Variants in BANK1 observed in about 807,000 individuals in gnomAD.
BANK1 encodes B cell scaffold protein with ankyrin repeats 1.
A neutral mutation model predicts 94.5 loss-of-function variants in BANK1; 95 were observed. That is an observed-to-expected ratio of 1.00 (90% CI 0.85 to 1.19). The LOEUF is 1.19. Ranked by LOEUF, BANK1 falls within the 50% of genes most tolerant of loss-of-function variation. BANK1 has a pLI of 0.00. For synonymous variants in BANK1, 334 were observed against 308.4 expected (o/e 1.08, Z -0.87); for missense variants, 987 against 932.2 (o/e 1.06, Z -0.77).
At chr4:102,056,369 A>C (rs964583836) in intron 11 of BANK1, among the ~76,000 whole-genome samples, 14 of 152,186 alleles carry the variant, frequency 9.2e-5, no homozygotes, top group African/African-American at 3.4e-4. Flanking sequence ...AAGTGGAAAC[A>C]ATAAAAAATC....
At chr4:101,970,972 G>A (rs1724932823) in intron 7 of BANK1, among the ~76,000 whole-genome samples, 1 of 152,106 alleles carries the variant, frequency 6.6e-6, no homozygotes, top group African/African-American at 2.4e-5. Context: ...ATAGCGTGCA[G>A]GCGTGTAATG....
intron 5 of BANK1, among the ~76,000 whole-genome samples, chr4:101,889,414 A>G (rs982824119): frequency 1.3e-5 from 2 of 151,684 alleles, no homozygotes; most frequent in African/African-American, 2.4e-5. Flanking sequence ...CTGGCTAACA[A>G]GGTGAAACCC....
chr4:101,835,259 A>G (rs895923436), intron 2 of BANK1, among the ~76,000 whole-genome samples: 3 of 152,194 alleles, frequency 2.0e-5, no homozygotes, highest in Non-Finnish European at 2.9e-5. Flanking sequence ...TATCACCAAC[A>G]TGTACTTGAA....
chr4:102,071,768 G>A (rs532852907), intron 14 of BANK1, among the ~76,000 whole-genome samples: 2 of 152,352 alleles, frequency 1.3e-5, no homozygotes, highest in Non-Finnish European at 2.9e-5. Context: ...ATTTCCATGT[G>A]ATGGGGGGAT....
chr4:101,848,902 C>T (rs1236743949), intron 2 of BANK1, among the ~76,000 whole-genome samples: 1 of 152,188 alleles, frequency 6.6e-6, no homozygotes, highest in Non-Finnish European at 1.5e-5. Context: ...CATCCTCCCA[C>T]CTCTCCCTTT....
At chr4:101,932,986 G>T (rs1723407549) in intron 7 of BANK1, among the ~76,000 whole-genome samples, 1 of 151,394 alleles carries the variant, frequency 6.6e-6, no homozygotes, top group Admixed American at 6.6e-5. Flanking sequence ...TTTTGAAATG[G>T]CTTATATTTT....
At chr4:102,016,302 G>T (rs1489369436) in intron 7 of BANK1, among the ~76,000 whole-genome samples, 1 of 152,094 alleles carries the variant, frequency 6.6e-6, no homozygotes, top group African/African-American at 2.4e-5. Context: ...GGAAGTTGGG[G>T]ATCATGAAAC....
At chr4:102,010,787 T>G (rs1250102709) in intron 7 of BANK1, among the ~76,000 whole-genome samples, 2 of 152,236 alleles carry the variant, frequency 1.3e-5, no homozygotes, top group African/African-American at 2.4e-5. Context: ...AGTTTATCAC[T>G]TAGTTCATGT....
chr4:102,021,877 C>T (rs1726915881), intron 8 of BANK1, among the ~76,000 whole-genome samples: 1 of 152,026 alleles, frequency 6.6e-6, no homozygotes, highest in South Asian at 2.1e-4. Context: ...TTGACAACTA[C>T]ATTTTTAAAG....
chr4:102,010,922 G>C (rs1394369267), intron 7 of BANK1, among the ~76,000 whole-genome samples: 1 of 152,106 alleles, frequency 6.6e-6, no homozygotes, highest in African/African-American at 2.4e-5. Context: ...AATGTTAGTA[G>C]AGTATGATAA....
chr4:102,020,147 C>G (rs1304922571), intron 7 of BANK1, among the ~76,000 whole-genome samples: 1 of 151,914 alleles, frequency 6.6e-6, no homozygotes, highest in Non-Finnish European at 1.5e-5. Context: ...TTCTCAAAAT[C>G]TTTGTAAACC....
chr4:101,908,717 A>C (rs1014586452), intron 6 of BANK1, among the ~76,000 whole-genome samples: 1 of 152,210 alleles, frequency 6.6e-6, no homozygotes, highest in African/African-American at 2.4e-5. Context: ...CAAGAAAAAA[A>C]CAAACAACCC....
intron 7 of BANK1, among the ~76,000 whole-genome samples, chr4:101,986,161 G>C (rs986074104): frequency 9.9e-5 from 15 of 152,202 alleles, no homozygotes; most frequent in African/African-American, 3.1e-4. Flanking sequence ...TAATGTATGT[G>C]AGAAAGGCAC....
At chr4:101,916,193 T>A (rs910305410) in intron 6 of BANK1, among the ~76,000 whole-genome samples, 1 of 152,022 alleles carries the variant, frequency 6.6e-6, no homozygotes, top group Non-Finnish European at 1.5e-5. Context: ...TTTCATTTCA[T>A]AAATTAGGAA....
chr4:101,862,716 C>T, intron 4 of BANK1, 52 bp downstream of exon 4: 1 of 1,448,612 alleles, frequency 6.9e-7, no homozygotes, highest in Non-Finnish European at 9.2e-7. Flanking sequence ...GAGTTCCTTC[C>T]AATAAATTTA....
At chr4:102,046,425 G>T (rs1448156353) in intron 11 of BANK1, among the ~76,000 whole-genome samples, 1 of 152,118 alleles carries the variant, frequency 6.6e-6, no homozygotes, top group Non-Finnish European at 1.5e-5. Context: ...TTGTGATAGT[G>T]TTGTCGATGT....
chr4:101,813,539 C>T (rs894603639), intron 1 of BANK1, among the ~76,000 whole-genome samples: 1 of 152,148 alleles, frequency 6.6e-6, no homozygotes, highest in Non-Finnish European at 1.5e-5. Context: ...TTCCTGAACC[C>T]CAATTCTGGA....
At chr4:101,936,568 A>T (rs891849931) in intron 7 of BANK1, among the ~76,000 whole-genome samples, 4 of 150,838 alleles carry the variant, frequency 2.7e-5, no homozygotes, top group Non-Finnish European at 4.4e-5. Context: ...ATGTATATGT[A>T]TACGTGTATG....
chr4:102,035,456 G>A (rs1310730695), intron 10 of BANK1, among the ~76,000 whole-genome samples: 2 of 152,048 alleles, frequency 1.3e-5, no homozygotes, highest in East Asian at 1.9e-4. Flanking sequence ...AGACCATCCT[G>A]GCTAACACGG....
Sources: gnomAD v4.1 joint callset for allele counts (sites outside exome capture counted in the v4.1 genomes callset) on GRCh38, gnomAD v4.1.1 for gene constraint, MANE v1.5 for transcripts, NCBI Gene and HGNC (gene_info 2026-07-23, HGNC 2026-07-21) for gene names.